The following KATNIP variants were observed in gnomAD, a reference collection of about 807,000 sequenced individuals.
KATNIP encodes the protein katanin-interacting protein.
In KATNIP, 126 loss-of-function variants were observed where a neutral mutation model predicts 174.0. That is an observed-to-expected ratio of 0.72 (90% CI 0.63 to 0.84). The LOEUF is 0.84. Ranked by LOEUF, KATNIP falls within the 40% of genes least tolerant of loss-of-function variation. The pLI is 0.00. For synonymous variants in KATNIP, 810 were observed against 835.7 expected (o/e 0.97, Z 0.53); for missense variants, 1,958 against 2,109.7 (o/e 0.93, Z 1.41).
At chr16:27,735,431 G>A (rs1262912820) in intron 14 of KATNIP, among the ~76,000 whole-genome samples, 1 of 152,172 alleles carries the variant, frequency 6.6e-6, no homozygotes, top group Non-Finnish European at 1.5e-5. Context: ...TTAAAGGAAG[G>A]TGTTTCTGTC....
intron 1 of KATNIP, 39 bp from the exon 2 acceptor site, chr16:27,573,862 A>C: frequency 6.2e-7 from 1 of 1,608,000 alleles, no homozygotes; most frequent in Non-Finnish European, 8.5e-7. Flanking sequence ...GCTGTTCTAA[A>C]ACAGCCTTAA....
intron 6 of KATNIP, among the ~76,000 whole-genome samples, chr16:27,671,482 C>CAT (rs2077900841): frequency 6.6e-6 from 1 of 152,188 alleles, no homozygotes; most frequent in Non-Finnish European, 1.5e-5. Context: ...GTGGACCATT[C>CAT]TCTATTATAA....
At chr16:27,579,983 G>A (rs2090634584) in intron 2 of KATNIP, among the ~76,000 whole-genome samples, 2 of 151,910 alleles carry the variant, frequency 1.3e-5, no homozygotes, top group Non-Finnish European at 2.9e-5. Context: ...GCAATGGAGG[G>A]AGTACAGGAT....
Position 27,628,887 on chromosome 16 carries a change from G to A in KATNIP, c.310+57G>A, listed in dbSNP as rs746296509. On this transcript the variant is annotated intron_variant, in intron 4 of 27. Coordinates refer to ENST00000261588, the MANE Select transcript of KATNIP (RefSeq NM_015202.5). ...CTCTGTTAATCAAAATTAATTAGGGGCAGGGTGCAGTGGCTCACACCTGTA... is the reference window on the plus strand; with the variant it reads ...CTCTGTTAATCAAAATTAATTAGGGACAGGGTGCAGTGGCTCACACCTGTA... The A allele has an allele frequency of 5.7e-6, 9 of 1,568,948 alleles. No homozygotes were observed. In the South Asian group the frequency reaches 1.0e-4, roughly 18 times the overall value.
chr16:27,754,379 G>A (rs2081635978), intron 18 of KATNIP, 128 bp downstream of exon 18: 1 of 761,172 alleles, frequency 1.3e-6, no homozygotes, highest in South Asian at 1.7e-5. Context: ...GAGACACCAG[G>A]CCATGGGGCA....
At chr16:27,672,349 G>A (rs2077946627) in intron 6 of KATNIP, among the ~76,000 whole-genome samples, 1 of 152,152 alleles carries the variant, frequency 6.6e-6, no homozygotes, top group African/African-American at 2.4e-5. Flanking sequence ...ATTCATCAGG[G>A]CTTGCTCAGC....
chr16:27,640,682 T>A (rs1418002817), intron 5 of KATNIP, among the ~76,000 whole-genome samples: 2 of 151,248 alleles, frequency 1.3e-5, no homozygotes, highest in Non-Finnish European at 3.0e-5. Context: ...TTTTAATTTT[T>A]TTTTTTTTTT....
intron 15 of KATNIP, among the ~76,000 whole-genome samples, chr16:27,744,964 T>C (rs1426841645): frequency 6.6e-6 from 1 of 151,972 alleles, no homozygotes; most frequent in Middle Eastern, 3.2e-3. Flanking sequence ...ATTTAATTAA[T>C]TAAAATCAAA....
chr16:27,675,625 T>C (rs1233110543), intron 6 of KATNIP, among the ~76,000 whole-genome samples: 2 of 152,186 alleles, frequency 1.3e-5, no homozygotes, highest in Non-Finnish European at 2.9e-5. Flanking sequence ...GCAGCCTGTG[T>C]TTGTAGATGA....
In KATNIP at chr16:27,770,055, G is replaced by T. The variant is rs768465637; in HGVS notation, c.4133+37G>T. On this transcript the variant is annotated intron_variant, in intron 21 of 27. Coordinates refer to ENST00000261588, the MANE Select transcript of KATNIP (RefSeq NM_015202.5). ...GTGGGCGCCACACACAGCCCCTCCC[G>T]GCCCCTGGGCCCGCTTGCTTTGCAA... The T allele has an allele frequency of 1.2e-5, 19 of 1,597,982 alleles. No homozygotes were observed. In the East Asian group the frequency reaches 4.0e-4, roughly 34 times the overall value.
intron 2 of KATNIP, among the ~76,000 whole-genome samples, chr16:27,591,446 G>T (rs1021043544): frequency 2.6e-5 from 4 of 152,098 alleles, no homozygotes; most frequent in African/African-American, 9.7e-5. Context: ...GCCTCCCAAA[G>T]CTGGGATTAC....
In KATNIP at chr16:27,642,520, AC is replaced by A. The variant is rs568017438; in HGVS notation, c.409-6082del. Among the ~76,000 whole-genome samples the A allele has an allele frequency of 5.0e-3, 760 of 151,922 alleles. 4 individuals are homozygous for A. Among genetic ancestry groups the A allele is most frequent in the African/African-American group, 0.018 (729 of 41,408 alleles). ...GCTTCATCCCAGTCGAGGTAGGAAG[AC>A]CTCCAGGAATCTCCGGGCCTGGAAA... is the stretch of plus-strand genomic sequence containing the variant. On this transcript the variant is annotated intron_variant, in intron 5 of 27. Transcript: ENST00000261588.
Position 27,666,392 on chromosome 16 carries a change from TTTTTGTTTTGTTTTG to T in KATNIP, c.541-11307_541-11293del, listed in dbSNP as rs56799945. On this transcript the variant is annotated intron_variant, in intron 6 of 27. Transcript: ENST00000261588. ...ATCAAAATTGATGTAGGGGAATGAG[TTTTTGTTTTGTTTTG>T]TTTTGTTTTGTTTTGTTTTGTTTTG... 3.3e-4 allele frequency among the ~76,000 whole-genome samples: 50 copies of T among 149,510 alleles called. No homozygotes were observed. The East Asian group carries it at 5.5e-3, about 16-fold the overall frequency.
At chr16:27,632,434 C>T in intron 5 of KATNIP, 1 of 335,756 alleles carries the variant, frequency 3.0e-6, no homozygotes, top group Non-Finnish European at 6.2e-6. Flanking sequence ...GAGAAATATG[C>T]GCATGTGCAG....
chr16:27,684,188 G>A (rs185729112), intron 8 of KATNIP, among the ~76,000 whole-genome samples: 2 of 152,276 alleles, frequency 1.3e-5, no homozygotes, highest in East Asian at 3.9e-4. Flanking sequence ...ACAGCCCCGT[G>A]CAATAGGTAC....
intron 15 of KATNIP, among the ~76,000 whole-genome samples, chr16:27,746,530 G>A (rs2081301050): frequency 6.6e-6 from 1 of 152,246 alleles, no homozygotes; most frequent in Non-Finnish European, 1.5e-5. Flanking sequence ...CCTGAGGGCT[G>A]CACAATTGTG....
chr16:27,678,141 A>G (rs143508626), intron 7 of KATNIP, 145 bp downstream of exon 7: 430 of 911,338 alleles, frequency 4.7e-4, no homozygotes, highest in Non-Finnish European at 5.9e-4. Context: ...GTCTCTGTTG[A>G]TTGCAAGACG....
chr16:27,748,689 C>T (rs902615120), intron 15 of KATNIP, among the ~76,000 whole-genome samples: 1 of 150,618 alleles, frequency 6.6e-6, no homozygotes, highest in East Asian at 2.0e-4. Flanking sequence ...GGGGCTGAAG[C>T]GGGAGGATCG....
intron 2 of KATNIP, among the ~76,000 whole-genome samples, chr16:27,579,673 T>G (rs2090622275): frequency 1.3e-5 from 2 of 152,124 alleles, no homozygotes; most frequent in Non-Finnish European, 2.9e-5. Flanking sequence ...CCCAGGGCCC[T>G]CATTCTTAAC....
Sources: gnomAD v4.1 joint callset for allele counts (sites outside exome capture counted in the v4.1 genomes callset) on GRCh38, gnomAD v4.1.1 for gene constraint, MANE v1.5 for transcripts, NCBI Gene and HGNC (gene_info 2026-07-23, HGNC 2026-07-21) for gene names.